Variants in ELL observed in about 807,000 individuals in gnomAD.
ELL encodes the protein elongation factor for RNA polymerase II.
Under a neutral mutation model 64.0 loss-of-function variants are expected in ELL, and 18 were observed. The ratio of observed to expected loss-of-function variants is 0.28; its 90% CI spans 0.19 to 0.42. The LOEUF is 0.42. Among genes scored for constraint, ELL ranks in the 10% least tolerant of loss-of-function variants. The pLI is 1.00. For missense variants in ELL, 797 were observed against 870.4 expected (o/e 0.92, Z 1.06); for synonymous variants, 399 against 376.2 (o/e 1.06, Z -0.70).
chr19:18,493,340 C>T (rs777799078), intron 1 of ELL, among the ~76,000 whole-genome samples: 13 of 152,218 alleles, frequency 8.5e-5, no homozygotes, highest in Non-Finnish European at 1.6e-4. Flanking sequence ...CTCTGTGCTG[C>T]GGCCCTGAGG....
chr19:18,455,397 A>G (rs1395686516), intron 6 of ELL, among the ~76,000 whole-genome samples: 3 of 150,426 alleles, frequency 2.0e-5, no homozygotes, highest in Non-Finnish European at 4.4e-5. Flanking sequence ...AAGCTGAGGC[A>G]CAGAATTGCT....
chr19:18,451,791 C>T, intron 6 of ELL, 143 bp from the exon 7 acceptor site: 3 of 631,036 alleles, frequency 4.8e-6, no homozygotes, highest in Non-Finnish European at 7.6e-6. Flanking sequence ...CAAGGGGTCA[C>T]AGGAGCCTGG....
At chr19:18,518,716 G>C (rs557442244) in intron 1 of ELL, among the ~76,000 whole-genome samples, 2 of 151,492 alleles carry the variant, frequency 1.3e-5, no homozygotes, top group South Asian at 2.1e-4. Context: ...ACTTGAACCC[G>C]GGAGGCGGAG....
intron 1 of ELL, among the ~76,000 whole-genome samples, chr19:18,497,764 C>T (rs1371360364): frequency 1.5e-5 from 2 of 133,612 alleles, no homozygotes; most frequent in Non-Finnish European, 3.0e-5. Flanking sequence ...CTGCAGTGAG[C>T]TATGGTTATG....
Position 18,522,067 on chromosome 19 carries a change from C to G in ELL, c.-12G>C, listed in dbSNP as rs1976296142. 1 of 1,592,622 alleles carries G rather than the reference C, an allele frequency of 6.3e-7. No individual in the cohort carries two copies. The highest frequency in any genetic ancestry group is 8.6e-7 in the Non-Finnish European group (1 of 1,167,810). On this transcript the variant is annotated 5_prime_UTR_variant, in exon 1 of 12. Coordinates refer to ENST00000262809, the MANE Select transcript of ELL (RefSeq NM_006532.4). Reference sequence around the variant, plus strand: ...TTCAGCGCCGCCATCTTGCGACCATCTCTCCCCCGCGCCCCCTTCCCGGCT... The same window carrying G: ...TTCAGCGCCGCCATCTTGCGACCATGTCTCCCCCGCGCCCCCTTCCCGGCT...
At chr19:18,490,231 A>G (rs929734925) in intron 1 of ELL, among the ~76,000 whole-genome samples, 2 of 130,996 alleles carry the variant, frequency 1.5e-5, no homozygotes, top group African/African-American at 5.5e-5. Flanking sequence ...TATTATCCAC[A>G]TACTTAGATG....
chr19:18,521,283 G>A (rs760732577), intron 1 of ELL, among the ~76,000 whole-genome samples: 1 of 152,118 alleles, frequency 6.6e-6, no homozygotes. Context: ...GGGACAAGCT[G>A]TCAGTTTCTG....
chr19:18,446,354 G>A lies in ELL; in HGVS notation c.1659C>T (p.Leu553=), dbSNP rs771579478. 1.4e-5 allele frequency: 23 copies of A among 1,604,900 alleles called. No homozygotes were observed. Among genetic ancestry groups the A allele is most frequent in the South Asian group, 4.5e-5 (4 of 89,644 alleles). ...IERITRRFTQ[L]DAQLRQLSQG... Reference sequence around the variant, plus strand: ...GGGAGAGCTGCCGGAGCTGGGCGTCGAGCTGGGTGAACCGCCGCGTGATGC... The same window carrying A: ...GGGAGAGCTGCCGGAGCTGGGCGTCAAGCTGGGTGAACCGCCGCGTGATGC... The change falls in exon 10 of 12, where the codon CTC becomes CTT. Residue 553 remains leucine, a synonymous_variant. Transcript: ENST00000262809.
chr19:18,481,701 C>A (rs963308082), intron 1 of ELL, among the ~76,000 whole-genome samples: 2 of 152,208 alleles, frequency 1.3e-5, no homozygotes, highest in African/African-American at 4.8e-5. Context: ...CTTTGAGATC[C>A]ATCCTGTGTG....
intron 1 of ELL, among the ~76,000 whole-genome samples, chr19:18,476,475 A>T (rs1040300457): frequency 2.9e-5 from 2 of 67,894 alleles, no homozygotes; most frequent in Admixed American, 3.5e-4. Flanking sequence ...TGGCCCTCCC[A>T]CCCACCCCGT....
Position 18,450,819 on chromosome 19 carries a change from T to G in ELL, c.1123A>C (p.Thr375Pro). The change falls in exon 8 of 12, where the codon ACG (threonine) becomes CCG (proline). Residue 375 changes from threonine to proline, a missense_variant. Transcript: ENST00000262809. ...TGAGTGCTGGAGCTGAGGGTGTCCG[T>G]GCTGGCTGGTGGGCCCGGGGTGGGC... ...LLPTPGPPAS[T>P]DTLSSSTHLP... 1 of 1,586,282 alleles carries G rather than the reference T, an allele frequency of 6.3e-7. No homozygotes were observed. Among genetic ancestry groups the G allele is most frequent in the African/African-American group, 1.3e-5 (1 of 74,266 alleles).
chr19:18,446,120 C>T, intron 10 of ELL, 189 bp downstream of exon 10: 1 of 718,112 alleles, frequency 1.4e-6, no homozygotes, highest in Non-Finnish European at 2.2e-6. Context: ...TTCAAGGACT[C>T]CCACAACAGG....
intron 5 of ELL, among the ~76,000 whole-genome samples, chr19:18,461,102 G>C (rs1355703223): frequency 6.6e-6 from 1 of 152,206 alleles, no homozygotes; most frequent in Non-Finnish European, 1.5e-5. Flanking sequence ...GGGCACTGCA[G>C]GTCACAGATG....
intron 1 of ELL, among the ~76,000 whole-genome samples, chr19:18,473,434 C>T (rs1975105726): frequency 1.3e-5 from 2 of 152,220 alleles, no homozygotes; most frequent in Admixed American, 1.3e-4. Flanking sequence ...GGTGGGTGAG[C>T]ACTGTCTATC....
chr19:18,502,496 C>T (rs962685741), intron 1 of ELL, among the ~76,000 whole-genome samples: 1 of 152,186 alleles, frequency 6.6e-6, no homozygotes, highest in Non-Finnish European at 1.5e-5. Flanking sequence ...CCCCCACCAC[C>T]AGGGAAATCC....
chr19:18,467,701 CCACA>C (rs552307792), intron 2 of ELL, among the ~76,000 whole-genome samples: 2,317 of 131,040 alleles, frequency 0.018, 49 homozygotes, highest in Middle Eastern at 0.029. Context: ...CACAATCTCC[CCACA>C]CACAATCCCC....
chr19:18,495,871 C>T (rs1975640097), intron 1 of ELL, among the ~76,000 whole-genome samples: 1 of 152,204 alleles, frequency 6.6e-6, no homozygotes, highest in Admixed American at 6.5e-5. Context: ...CCCACTGAGG[C>T]CTCTTCTGAT....
intron 1 of ELL, among the ~76,000 whole-genome samples, chr19:18,478,892 AC>A (rs780332275): frequency 4.6e-5 from 7 of 152,232 alleles, no homozygotes; most frequent in Non-Finnish European, 1.0e-4. Context: ...TCCTGTAAAG[AC>A]AGCAATGCCT....
In ELL at chr19:18,449,728, A is replaced by T. The variant is rs1416416236; in HGVS notation, c.1465+749T>A. Among the ~76,000 whole-genome samples, 1 of 152,196 alleles carries T rather than the reference A, an allele frequency of 6.6e-6. No individual in the cohort carries two copies. The highest frequency in any genetic ancestry group is 2.4e-5 in the African/African-American group (1 of 41,454). On this transcript the variant is annotated intron_variant, in intron 8 of 11. Transcript: ENST00000262809. The surrounding 1 kb of genome is among the most constrained non-coding windows in gnomAD (Gnocchi z 4.4). ...CCATCTGCAACTGGCCGCCATCGCC[A>T]CATGGGACCACTGCAGCCCCTGTCG...
Sources: allele counts gnomAD v4.1 joint callset (sites outside exome capture counted in the v4.1 genomes callset), GRCh38; gene constraint gnomAD v4.1.1; non-coding constraint Gnocchi (gnomAD v3.1); transcripts MANE v1.5; gene names NCBI Gene and HGNC (gene_info 2026-07-23, HGNC 2026-07-21).